ZNF773: variants seen among roughly 807,000 people sequenced by gnomAD.
ZNF773 encodes the protein zinc finger protein 419B.
Under a neutral mutation model 12.8 loss-of-function variants are expected in ZNF773, and 11 were observed. That is an observed-to-expected ratio of 0.86 (90% CI 0.54 to 1.42). The LOEUF (loss-of-function observed/expected upper bound fraction) is 1.42. ZNF773 is among the 40% of genes most tolerant of loss of function. ZNF773 has a pLI of 0.00. For synonymous variants in ZNF773, 175 were observed against 178.4 expected (o/e 0.98, Z 0.15); for missense variants, 518 against 527.2 (o/e 0.98, Z 0.17).
Position 57,507,502 on chromosome 19 carries a change from T to C in ZNF773, c.*78T>C. The C allele has an allele frequency of 6.6e-7, 1 of 1,508,846 alleles. No homozygotes were observed. Among genetic ancestry groups the C allele is most frequent in the Non-Finnish European group, 8.8e-7 (1 of 1,134,054 alleles). The allele number at this position is 1,508,846 out of a possible 1,614,324, so 93.5% of individuals were successfully genotyped here. Reference sequence around the variant, plus strand: ...CACAGTGTAAAAAAGTCTTGAAGGTTACTAATGGAAATCCATTAGCTATAC... The same window carrying C: ...CACAGTGTAAAAAAGTCTTGAAGGTCACTAATGGAAATCCATTAGCTATAC... On this transcript the variant is annotated 3_prime_UTR_variant, in exon 4 of 4. Coordinates refer to ENST00000282292, the MANE Select transcript of ZNF773 (RefSeq NM_198542.3).
chr19:57,513,609 A>G (rs1389538941), downstream of ZNF773: 1 of 152,242 alleles, frequency 6.6e-6, no homozygotes, highest in Non-Finnish European at 1.5e-5. Context: ...CTTTGCCACT[A>G]GAGTGGCTAA....
intron 1 of ZNF773, 116 bp downstream of exon 1, chr19:57,500,229 A>C (rs1328879873): frequency 7.3e-7 from 1 of 1,378,026 alleles, no homozygotes; most frequent in Non-Finnish European, 9.6e-7. Flanking sequence ...CGTTTCTGAC[A>C]CGCAGTGTGA....
At chr19:57,518,243 T>C (rs1312819102) in exon 5 of ZNF773, 1 of 152,202 alleles carries the variant, frequency 6.6e-6, no homozygotes, top group African/African-American at 2.4e-5. Flanking sequence ...GTGTTCCTTG[T>C]GGTTATCTAT....
rs1311519306 is a variant in ZNF773 at position 57,506,792 on chromosome 19, A to C, written c.697A>C (p.Asn233His). ...TGGGAAGTTATTTAGCCATAAGTCC[A>C]ACCTTTTTATACACCAAATAGTTCA... Reference protein sequence around the residue: ...ECGKLFSHKSNLFIHQIVHTG... With the variant: ...ECGKLFSHKSHLFIHQIVHTG... Residue 233 changes from asparagine to histidine, a missense_variant, in exon 4 of 4, where the codon AAC (asparagine) becomes CAC (histidine). Transcript: ENST00000282292. 6.2e-7 allele frequency: 1 copy of C among 1,614,274 alleles called. No homozygotes were observed.
At chr19:57,514,024 G>A (rs917226655), downstream of ZNF773, 2 of 152,236 alleles carry the variant, frequency 1.3e-5, no homozygotes, top group African/African-American at 4.8e-5. Flanking sequence ...GTGCTTAACA[G>A]TCCTACATTA....
downstream of ZNF773, among the ~76,000 whole-genome samples, chr19:57,510,032 A>C (rs1482224321): frequency 6.6e-6 from 1 of 152,218 alleles, no homozygotes; most frequent in Non-Finnish European, 1.5e-5. Flanking sequence ...AGCCTTAACA[A>C]AATTTTAGCA....
At chr19:57,508,371 T>G, downstream of ZNF773, 1 of 751,936 alleles carries the variant, frequency 1.3e-6, no homozygotes, top group South Asian at 2.4e-5. Context: ...GAGTTTGGAG[T>G]TGGGGGAGGA....
At chr19:57,514,017 C>T (rs1160364031), downstream of ZNF773, 1 of 152,248 alleles carries the variant, frequency 6.6e-6, no homozygotes, top group Non-Finnish European at 1.5e-5. Context: ...CCAAGGCGTG[C>T]TTAACAGTCC....
intron 1 of ZNF773, among the ~76,000 whole-genome samples, chr19:57,504,159 G>T (rs1313334129): frequency 2.0e-5 from 3 of 152,204 alleles, no homozygotes; most frequent in Non-Finnish European, 4.4e-5. Context: ...GCCATTGGAG[G>T]TCTAGGAAGG....
At chr19:57,516,192 G>C (rs2089831058), downstream of ZNF773, 1 of 155,846 alleles carries the variant, frequency 6.4e-6, no homozygotes, top group South Asian at 1.8e-4. Flanking sequence ...TGCAAAGACA[G>C]AACAAGGACC....
chr19:57,506,344 TTC>T lies in ZNF773; in HGVS notation c.263-10_263-9del, dbSNP rs768294414. 1.6e-4 allele frequency: 259 copies of T among 1,596,248 alleles called. No individual in the cohort carries two copies. The highest frequency in any genetic ancestry group is 2.2e-4 in the Non-Finnish European group (253 of 1,173,250). On this transcript the variant is annotated splice_polypyrimidine_tract_variant and intron_variant, in intron 3 of 3. Coordinates refer to ENST00000282292, the MANE Select transcript of ZNF773 (RefSeq NM_198542.3). ...AAGACTACATTTACTTCATCAACAT[TTC>T]TCTTCTTTCAGGTAGTTGGCAAGGA...
At chr19:57,513,382 A>G (rs925601270), downstream of ZNF773, 5 of 233,924 alleles carry the variant, frequency 2.1e-5, 1 homozygote, top group Admixed American at 1.1e-4. Context: ...TGGGGTGAAG[A>G]TTTGCTTACG....
At chr19:57,516,228 C>G (rs976887266), downstream of ZNF773, 1 of 155,828 alleles carries the variant, frequency 6.4e-6, no homozygotes, top group Admixed American at 6.5e-5. Flanking sequence ...GACATCAACC[C>G]CCATAAAATG....
intron 2 of ZNF773, 164 bp downstream of exon 2, chr19:57,504,950 C>G: frequency 4.9e-6 from 6 of 1,220,390 alleles, no homozygotes; most frequent in Non-Finnish European, 5.9e-6. Context: ...TATACTACCA[C>G]CTTCTCTCCC....
downstream of ZNF773, chr19:57,517,169 T>C (rs1178433531): frequency 1.3e-5 from 2 of 152,248 alleles, no homozygotes; most frequent in African/African-American, 2.4e-5. Context: ...TCCGTATGTT[T>C]TTCTAGCAGC....
chr19:57,501,520 G>C (rs1217869945), intron 1 of ZNF773, among the ~76,000 whole-genome samples: 1 of 152,164 alleles, frequency 6.6e-6, no homozygotes, highest in Non-Finnish European at 1.5e-5. Flanking sequence ...GTCCTATTGA[G>C]TGAATACCAT....
intron 3 of ZNF773, 72 bp from the exon 4 acceptor site, chr19:57,506,286 A>G: frequency 6.5e-7 from 1 of 1,536,580 alleles, no homozygotes; most frequent in Non-Finnish European, 8.7e-7. Flanking sequence ...CAGGTGTGTC[A>G]GACACGTGTG....
downstream of ZNF773, chr19:57,508,394 C>T (rs66526919): frequency 0.18 from 109,887 of 621,272 alleles, 10,264 homozygotes; most frequent in African/African-American, 0.25. Flanking sequence ...GGAGTGGTCT[C>T]GATTCAGATG....
chr19:57,514,964 A>G (rs1199669595), downstream of ZNF773: 1 of 152,210 alleles, frequency 6.6e-6, no homozygotes, highest in Non-Finnish European at 1.5e-5. Context: ...CTGTGCAGCT[A>G]TTTATGGACC....
Sources: gnomAD v4.1 joint callset for allele counts (sites outside exome capture counted in the v4.1 genomes callset) on GRCh38, gnomAD v4.1.1 for gene constraint, MANE v1.5 for transcripts, NCBI Gene and HGNC (gene_info 2026-07-23, HGNC 2026-07-21) for gene names.